Variants in IPP observed in about 807,000 individuals in gnomAD.
IPP encodes the protein intracisternal A particle-promoted polypeptide, also known as actin-binding protein IPP.
IPP carries 41 observed loss-of-function variants against 64.1 expected under a neutral mutation model. The observed-to-expected ratio is 0.64, with a 90% CI of 0.50 to 0.83. The LOEUF is 0.83. IPP is among the 40% of genes least tolerant of loss of function. IPP has a pLI of 0.00. For missense variants in IPP, 649 were observed against 703.0 expected, an observed-to-expected ratio of 0.92 and a Z score of 0.87; for synonymous variants, 214 against 235.2, an observed-to-expected ratio of 0.91 and a Z score of 0.83.
In IPP at chr1:45,746,359, T is replaced by G. The variant is rs1165090393; in HGVS notation, c.53A>C (p.Lys18Thr). The G allele has an allele frequency of 3.7e-6, 6 of 1,614,016 alleles. No individual in the cohort carries two copies. In the South Asian group the frequency reaches 5.5e-5, roughly 15 times the overall value. ...TTGGGCCAAGATGAGTTGGGCATGT[T>G]TATCTGATGAAAAAGGACTATCAGC... ...KAADSPFSSD[K>T]HAQLILAQIN... The change falls in exon 2 of 9, where the codon AAA becomes ACA. Residue 18 changes from lysine to threonine, a missense_variant. Coordinates refer to ENST00000396478, the MANE Select transcript of IPP (RefSeq NM_005897.3).
At position 45,727,694 on chromosome 1, in the gene IPP, G is replaced by A. The variant is rs1304219637; in HGVS notation, c.985C>T (p.Leu329Phe). The change falls in exon 5 of 9, where the codon CTT becomes TTT. Residue 329 changes from leucine to phenylalanine, a missense_variant. Physicochemically the swap from Leu to Phe is conservative, Grantham distance 22. Transcript: ENST00000396478. ...FSQYWTTVSSLHQARSGLGVT... is the reference protein window; with the variant it reads ...FSQYWTTVSSFHQARSGLGVT... ...CCCAGCCCACTTCGAGCCTGATGAAGTGAAGACACAGTGGTCCAGTACTGG... is the reference window on the plus strand; with the variant it reads ...CCCAGCCCACTTCGAGCCTGATGAAATGAAGACACAGTGGTCCAGTACTGG... The A allele has an allele frequency of 1.3e-6, 2 of 1,597,026 alleles. No individual in the cohort carries two copies. Among genetic ancestry groups the A allele is most frequent in the Admixed American group, 1.7e-5 (1 of 59,846 alleles).
At chr1:45,734,214 T>C (rs1259546475) in intron 3 of IPP, among the ~76,000 whole-genome samples, 3 of 152,092 alleles carry the variant, frequency 2.0e-5, no homozygotes, top group Non-Finnish European at 2.9e-5. Context: ...CTGTTTAAAA[T>C]TGAAATACAA....
At chr1:45,728,168 G>GTGTGTT (rs909061627) in intron 4 of IPP, among the ~76,000 whole-genome samples, 2 of 149,110 alleles carry the variant, frequency 1.3e-5, no homozygotes, top group Non-Finnish European at 3.0e-5. Context: ...GTGTGTGTGT[G>GTGTGTT]TGTGTTTGAG....
At chr1:45,697,490 G>A (rs2148543046), downstream of IPP, among the ~76,000 whole-genome samples, 2 of 152,082 alleles carry the variant, frequency 1.3e-5, no homozygotes, top group South Asian at 4.2e-4. Flanking sequence ...GACCTCAAGT[G>A]ATCTGCCCAC....
At chr1:45,750,186 C>T (rs1175909934) in intron 1 of IPP, among the ~76,000 whole-genome samples, 1 of 152,228 alleles carries the variant, frequency 6.6e-6, no homozygotes, top group Non-Finnish European at 1.5e-5. Context: ...AAAGAATCCC[C>T]GGAACAAGTG....
intron 5 of IPP, among the ~76,000 whole-genome samples, chr1:45,724,895 G>A (rs1159777959): frequency 1.1e-4 from 16 of 147,410 alleles, no homozygotes; most frequent in Admixed American, 2.0e-4. Context: ...GGTGGGGGGG[G>A]TCAGCCCCCC....
chr1:45,712,878 A>ATAT (rs1040236198), intron 8 of IPP, among the ~76,000 whole-genome samples: 17 of 138,650 alleles, frequency 1.2e-4, no homozygotes, highest in South Asian at 4.5e-4. Context: ...AAAAAAAAAA[A>ATAT]ATATATATAT....
intron 5 of IPP, among the ~76,000 whole-genome samples, chr1:45,725,630 G>A (rs1398060808): frequency 7.2e-6 from 1 of 138,046 alleles, no homozygotes. Context: ...GACAATGGCG[G>A]TTTTGTGGAA....
chr1:45,732,877 G>A (rs1645929621), intron 3 of IPP, among the ~76,000 whole-genome samples: 2 of 151,894 alleles, frequency 1.3e-5, no homozygotes, highest in Non-Finnish European at 1.5e-5. Context: ...GTGTTAGCCA[G>A]AATGGTCTCA....
chr1:45,708,157 C>T (rs1157616451), intron 8 of IPP, among the ~76,000 whole-genome samples: 2 of 151,434 alleles, frequency 1.3e-5, no homozygotes, highest in Non-Finnish European at 1.5e-5. Context: ...CTCCACCTCC[C>T]AGGTTCATGC....
chr1:45,725,163 G>A (rs1645800552), intron 5 of IPP, among the ~76,000 whole-genome samples: 1 of 128,864 alleles, frequency 7.8e-6, no homozygotes, highest in Non-Finnish European at 1.7e-5. Context: ...GGAGTGGGGT[G>A]GGGGGTCAGC....
intron 3 of IPP, among the ~76,000 whole-genome samples, chr1:45,740,296 A>T (rs1570043189): frequency 6.6e-6 from 1 of 151,760 alleles, no homozygotes; most frequent in East Asian, 1.9e-4. Context: ...ATTCCACAAA[A>T]CCGCCATTGT....
In IPP at chr1:45,741,242, T is replaced by A. The variant is rs1336982452; in HGVS notation, c.383A>T (p.Glu128Val). The A allele has an allele frequency of 1.2e-6, 2 of 1,614,146 alleles. No homozygotes were observed. Among genetic ancestry groups the A allele is most frequent in the Non-Finnish European group, 1.7e-6 (2 of 1,179,998 alleles). Residue 128 changes from glutamate to valine, a missense_variant, in exon 3 of 9, where the codon GAA becomes GTA. Coordinates refer to ENST00000396478, the MANE Select transcript of IPP (RefSeq NM_005897.3). ...TGGATCAATTTGTCCTTTCAGAAAT[T>A]CACAGCAAAGATGAACAACTTCAGT... is the stretch of plus-strand genomic sequence containing the variant. ...QLTEVVHLCC[E>V]FLKGQIDPLN...
intron 7 of IPP, among the ~76,000 whole-genome samples, chr1:45,716,145 A>T (rs139995900): frequency 6.8e-4 from 104 of 152,352 alleles, no homozygotes; most frequent in African/African-American, 2.4e-3. Flanking sequence ...TGCAACATAG[A>T]ATCCTTTAAA....
intron 3 of IPP, among the ~76,000 whole-genome samples, chr1:45,737,136 ACT>A (rs1421243591): frequency 6.6e-6 from 1 of 151,682 alleles, no homozygotes; most frequent in Non-Finnish European, 1.5e-5. Context: ...TTCTGTTAGT[ACT>A]CTGTGTCTGC....
rs1645880392 is a variant in IPP at position 45,729,732 on chromosome 1, T to G, written c.762A>C (p.Thr254=). 1.2e-6 allele frequency: 2 copies of G among 1,600,200 alleles called. No homozygotes were observed. Among genetic ancestry groups the G allele is most frequent in the Non-Finnish European group, 1.7e-6 (2 of 1,172,062 alleles). ...ATACTTCACAGTACTCTTTCAGAAG[T>G]GTTTGCAATGCAACACGAAGATTAA... ...SDFNLRVALQ[T]LLKEYCEVCK... Residue 254 remains threonine, a synonymous_variant, in exon 4 of 9, where the codon ACA becomes ACC. Transcript: ENST00000396478.
At chr1:45,706,903 T>A (rs1052465944) in intron 8 of IPP, among the ~76,000 whole-genome samples, 1 of 152,126 alleles carries the variant, frequency 6.6e-6, no homozygotes, top group African/African-American at 2.4e-5. Context: ...CAAAAGTTAA[T>A]AGAAATGTGG....
chr1:45,714,190 C>G (rs1472678964), intron 8 of IPP, 56 bp downstream of exon 8: 1 of 1,260,966 alleles, frequency 7.9e-7, no homozygotes, highest in African/African-American at 1.5e-5. Context: ...CACCACAGAT[C>G]TTACAGACAT....
chr1:45,748,984 A>G (rs1488114411), intron 1 of IPP, among the ~76,000 whole-genome samples: 1 of 149,850 alleles, frequency 6.7e-6, no homozygotes, highest in East Asian at 2.0e-4. Context: ...AAAAAAAAGG[A>G]AAAAAAGGGG....
Sources: allele counts gnomAD v4.1 joint callset (sites outside exome capture counted in the v4.1 genomes callset), GRCh38; gene constraint gnomAD v4.1.1; transcripts MANE v1.5; gene names NCBI Gene and HGNC (gene_info 2026-07-23, HGNC 2026-07-21).